The following TOX2 variants were observed in gnomAD, a reference collection of about 807,000 sequenced individuals.
TOX2 encodes TOX high mobility group box family member 2, also known as granulosa cell HMG box 1.
In TOX2, 15 loss-of-function variants were observed where a neutral mutation model predicts 47.4. The ratio of observed to expected loss-of-function variants is 0.32; its 90% CI spans 0.21 to 0.49. TOX2 has a LOEUF of 0.49. Ranked by LOEUF, TOX2 falls within the 20% of genes least tolerant of loss-of-function variation. TOX2 has a pLI of 0.99. For missense variants in TOX2, 622 were observed against 673.1 expected (o/e 0.92, Z 0.84); for synonymous variants, 290 against 296.6 (o/e 0.98, Z 0.23).
At chr20:43,922,043 C>A (rs1378436367) in intron 1 of TOX2, among the ~76,000 whole-genome samples, 1 of 152,122 alleles carries the variant, frequency 6.6e-6, no homozygotes, top group East Asian at 1.9e-4. Flanking sequence ...TCACAGCTGC[C>A]CAGTCCACTG....
chr20:43,990,891 G>A (rs1600714479), intron 2 of TOX2, among the ~76,000 whole-genome samples: 1 of 152,016 alleles, frequency 6.6e-6, no homozygotes, highest in Non-Finnish European at 1.5e-5. Flanking sequence ...ATTTTCAGAA[G>A]GTAGAAATGG....
At chr20:44,002,787 G>T (rs1306987358) in intron 2 of TOX2, among the ~76,000 whole-genome samples, 1 of 152,110 alleles carries the variant, frequency 6.6e-6, no homozygotes, top group Non-Finnish European at 1.5e-5. Flanking sequence ...GGGAAGAGGT[G>T]CCAGTCTCTT....
intron 4 of TOX2, among the ~76,000 whole-genome samples, chr20:44,053,233 C>T (rs2071547760): frequency 6.6e-6 from 1 of 152,150 alleles, no homozygotes; most frequent in Non-Finnish European, 1.5e-5. Flanking sequence ...GGATCATGGT[C>T]CTGCAGTCTG....
chr20:44,039,133 G>A (rs2071290595), intron 3 of TOX2: 2 of 1,260,430 alleles, frequency 1.6e-6, no homozygotes, highest in East Asian at 5.6e-5. Flanking sequence ...ATGCCGGGAG[G>A]CAACGTGTGG....
rs1555841868 is a variant in TOX2, at chr20:44,023,431, G to GGAAAAAAAA, written c.411+16639_411+16640insGAAAAAAAA. On this transcript the variant is annotated intron_variant, in intron 3 of 8. Coordinates refer to ENST00000341197, the MANE Select transcript of TOX2 (RefSeq NM_001098797.2). The stretch of plus-strand genomic sequence containing the variant: ...GGTGACAGAGCTAGACTTTATCTCA[G>GGAAAAAAAA]AAAAAAAAAAAAAAAAAAAGGAGGG... Among the ~76,000 whole-genome samples the GGAAAAAAAA allele has an allele frequency of 4.2e-5, 5 of 119,134 alleles. 1 individual carries two copies. Among genetic ancestry groups the GGAAAAAAAA allele is most frequent in the African/African-American group, 3.4e-5 (1 of 29,478 alleles). The allele number at this position is 119,134 out of a possible 152,430, so 78.2% of individuals were successfully genotyped here. A position where few individuals can be genotyped will look rare whatever the true frequency, so the allele number is the denominator to read the frequency against.
At chr20:43,934,167 G>GAGA (rs1325521677) in intron 1 of TOX2, among the ~76,000 whole-genome samples, 1 of 149,764 alleles carries the variant, frequency 6.7e-6, no homozygotes, top group African/African-American at 2.5e-5. Context: ...GAGAGAGAGA[G>GAGA]ACCTGCCCTC....
chr20:44,045,423 C>G (rs945472211), intron 3 of TOX2, among the ~76,000 whole-genome samples: 1 of 152,124 alleles, frequency 6.6e-6, no homozygotes, highest in Non-Finnish European at 1.5e-5. Context: ...TGGACAATGC[C>G]CCGCAGTTCA....
At chr20:44,040,410 G>A (rs2071312479) in intron 3 of TOX2, among the ~76,000 whole-genome samples, 1 of 152,128 alleles carries the variant, frequency 6.6e-6, no homozygotes, top group Non-Finnish European at 1.5e-5. Flanking sequence ...GAAAGGAAAG[G>A]GAGCTGGGAG....
chr20:43,973,307 C>T, intron 1 of TOX2, 60 bp from the exon 2 acceptor site: 2 of 1,557,808 alleles, frequency 1.3e-6, no homozygotes, highest in Non-Finnish European at 1.8e-6. Context: ...GGCTGCTTCT[C>T]CTGGTGCCTT....
intron 2 of TOX2, among the ~76,000 whole-genome samples, chr20:43,974,687 T>C (rs1013495444): frequency 6.6e-6 from 1 of 152,250 alleles, no homozygotes; most frequent in Non-Finnish European, 1.5e-5. Context: ...CAAATATTTA[T>C]GTCCCTATTC....
Position 43,916,753 on chromosome 20 carries a change from G to T in TOX2, c.99+1763G>T. Among the ~76,000 whole-genome samples the T allele has an allele frequency of 6.6e-6, 1 of 152,320 alleles. No individual in the cohort carries two copies. ...TGGTTTGCGGGTGTGGGTGGGCTGG[G>T]CATTTGTGCCTCAAAGTCTGAGTGG... On this transcript the variant is annotated intron_variant, in intron 1 of 8. Coordinates refer to ENST00000341197, the MANE Select transcript of TOX2 (RefSeq NM_001098797.2). The surrounding 1 kb of genome is among the most constrained non-coding windows in gnomAD (Gnocchi z 5.0).
intron 1 of TOX2, among the ~76,000 whole-genome samples, chr20:43,919,014 T>C (rs2069086160): frequency 6.6e-6 from 1 of 152,204 alleles, no homozygotes; most frequent in Non-Finnish European, 1.5e-5. Context: ...AGCATCTCCG[T>C]TCCAGCATCC....
intron 1 of TOX2, among the ~76,000 whole-genome samples, chr20:43,951,275 C>G (rs1394978760): frequency 6.6e-6 from 1 of 152,098 alleles, no homozygotes; most frequent in African/African-American, 2.4e-5. Context: ...AGTTTTCTAC[C>G]TTTAAAATAG....
At position 43,915,543 on chromosome 20, in the gene TOX2, TCACA is replaced by T. The variant is rs2069046055; in HGVS notation, c.99+558_99+561del. Among the ~76,000 whole-genome samples the T allele has an allele frequency of 6.6e-6, 1 of 152,094 alleles. No individual in the cohort carries two copies. On this transcript the variant is annotated intron_variant, in intron 1 of 8. Transcript: ENST00000341197. The surrounding 1 kb of genome is among the most constrained non-coding windows in gnomAD (Gnocchi z 7.1). ...CAACGCCTCACCCAGGCGCACGCTGTCACACACAGCCACCCCCCTGGACGGTGAG... is the reference window on the plus strand; with the variant it reads ...CAACGCCTCACCCAGGCGCACGCTGTCACAGCCACCCCCCTGGACGGTGAG...
chr20:44,066,808 G>A lies in TOX2; in HGVS notation c.1435G>A (p.Asp479Asn). The change falls in exon 8 of 9, where the codon GAC becomes AAC. Residue 479 changes from aspartate (D) to asparagine (N), a missense_variant. Physicochemically the swap from Asp to Asn is conservative, Grantham distance 23 (BLOSUM62 1). Around this residue, in one of 3 missense-constraint regions of TOX2, gnomAD observed 294 missense variants for 300.0 expected, o/e 0.98. Transcript: ENST00000341197. ...PGPSNPTSSG[D>N]WDSSYPSGEC... ...CCCATCCAACCCCACCAGCAGCGGG[G>A]ACTGGGACAGCAGCTACCCCAGTGG... 1 of 1,614,182 alleles carries A rather than the reference G, an allele frequency of 6.2e-7. No homozygotes were observed. Among genetic ancestry groups the A allele is most frequent in the Non-Finnish European group, 8.5e-7 (1 of 1,180,028 alleles).
intron 2 of TOX2, among the ~76,000 whole-genome samples, chr20:43,994,024 C>G (rs781251809): frequency 1.3e-5 from 2 of 152,054 alleles, no homozygotes; most frequent in South Asian, 2.1e-4. Flanking sequence ...TGGTGGCACA[C>G]GCCTGTAGTC....
Position 44,066,838 on chromosome 20 carries a change from T to A in TOX2, c.1465T>A (p.Cys489Ser), listed in dbSNP as rs775401631. ...GGACAGCAGCTACCCCAGTGGGGAG[T>A]GTGGCATCAGCACCTGCAGGTTAGT... ...DWDSSYPSGE[C>S]GISTCSLLPR... The change falls in exon 8 of 9, where the codon TGT becomes AGT. Residue 489 changes from cysteine to serine, a missense_variant. This residue lies in a region of TOX2 where 294 missense variants were observed against 300.0 expected (regional missense o/e 0.98). Transcript: ENST00000341197. 2 of 1,613,812 alleles carry A rather than the reference T, an allele frequency of 1.2e-6. No homozygotes were observed. The highest frequency in any genetic ancestry group is 8.5e-7 in the Non-Finnish European group (1 of 1,179,916).
chr20:43,927,030 T>A (rs6124606), intron 1 of TOX2, among the ~76,000 whole-genome samples: 35,793 of 152,202 alleles, frequency 0.24, 5,715 homozygotes, highest in East Asian at 0.47. Context: ...TTGTCCCAGC[T>A]GCCATATCCA....
intron 1 of TOX2, among the ~76,000 whole-genome samples, chr20:43,931,305 T>G (rs1043289884): frequency 2.6e-5 from 4 of 152,040 alleles, no homozygotes; most frequent in African/African-American, 4.8e-5. Flanking sequence ...CACCTGATAA[T>G]TTTTAAATTT....
Sources: allele counts gnomAD v4.1 joint callset (sites outside exome capture counted in the v4.1 genomes callset), GRCh38; gene constraint gnomAD v4.1.1; regional missense constraint gnomAD v4.1.1; non-coding constraint Gnocchi (gnomAD v3.1); transcripts MANE v1.5; gene names NCBI Gene and HGNC (gene_info 2026-07-23, HGNC 2026-07-21).